OPCML: variants seen among roughly 807,000 people sequenced by gnomAD.
OPCML encodes the protein opioid binding protein/cell adhesion molecule like, also known as opioid-binding protein/cell adhesion molecule.
A neutral mutation model predicts 37.8 loss-of-function variants in OPCML; 13 were observed. The ratio of observed to expected loss-of-function variants is 0.34; its 90% CI spans 0.22 to 0.55. The LOEUF is 0.55. OPCML is among the 20% of genes least tolerant of loss of function. OPCML has a pLI of 0.91. For missense variants in OPCML, 341 were observed against 435.6 expected (o/e 0.78, Z 1.93); for synonymous variants, 176 against 168.8 (o/e 1.04, Z -0.33).
intron 2 of OPCML, among the ~76,000 whole-genome samples, chr11:132,838,745 T>C (rs971057887): frequency 1.3e-5 from 2 of 152,076 alleles, no homozygotes; most frequent in Non-Finnish European, 2.9e-5. Flanking sequence ...CCACAGAAGT[T>C]TGCAAAGTAA....
intron 1 of OPCML, among the ~76,000 whole-genome samples, chr11:133,470,489 C>T (rs766938662): frequency 1.5e-4 from 23 of 152,276 alleles, no homozygotes; most frequent in Non-Finnish European, 1.6e-4. Context: ...CACAGCTGGT[C>T]CCAGACAATC....
chr11:133,122,239 C>A (rs1021962045), intron 1 of OPCML, among the ~76,000 whole-genome samples: 3 of 152,140 alleles, frequency 2.0e-5, no homozygotes, highest in Non-Finnish European at 4.4e-5. Flanking sequence ...GCTTGGGATT[C>A]TTGAATTCTA....
At chr11:132,712,811 G>T (rs1944321497) in intron 2 of OPCML, among the ~76,000 whole-genome samples, 2 of 152,326 alleles carry the variant, frequency 1.3e-5, no homozygotes, top group Admixed American at 6.5e-5. Context: ...GGTCAGGGAA[G>T]GAGAGGGGAA....
At chr11:132,794,692 C>A (rs1456087936) in intron 2 of OPCML, among the ~76,000 whole-genome samples, 1 of 152,144 alleles carries the variant, frequency 6.6e-6, no homozygotes, top group Non-Finnish European at 1.5e-5. Flanking sequence ...CCACCTCCTA[C>A]ACATGAATAT....
intron 3 of OPCML, among the ~76,000 whole-genome samples, chr11:132,529,523 T>C (rs2096318096): frequency 6.6e-6 from 1 of 152,140 alleles, no homozygotes; most frequent in Admixed American, 6.5e-5. Context: ...TCCCCATGTC[T>C]ACTGTTTTTA....
rs568496077 is a variant in OPCML, at chr11:133,271,085, G to A, written c.61+261179C>T. Reference sequence around the variant, plus strand: ...GTAAGACATCAGACTTTGTGGCCAGGAATGCCTGGATTCATCATTTACTTG... The same window carrying A: ...GTAAGACATCAGACTTTGTGGCCAGAAATGCCTGGATTCATCATTTACTTG... On this transcript the variant is annotated intron_variant, in intron 1 of 7. Transcript: ENST00000524381. Among the ~76,000 whole-genome samples the A allele has an allele frequency of 1.9e-4, 29 of 152,262 alleles. No homozygotes were observed. In the South Asian group the frequency reaches 6.0e-3, roughly 32 times the overall value.
At position 132,611,671 on chromosome 11, in the gene OPCML, A is replaced by T. The variant is rs192143411; in HGVS notation, c.379+45416T>A. On this transcript the variant is annotated intron_variant, in intron 3 of 7. Coordinates refer to ENST00000524381, the MANE Select transcript of OPCML (RefSeq NM_001012393.5). ...CCTCAAATTATTTATATTATAGTGGATGTGTGTGGGGAGAAAGGGGGAGGA... is the reference window on the plus strand; with the variant it reads ...CCTCAAATTATTTATATTATAGTGGTTGTGTGTGGGGAGAAAGGGGGAGGA... Among the ~76,000 whole-genome samples, 391 of 152,238 alleles carry T rather than the reference A, an allele frequency of 2.6e-3. 1 individual carries two copies. Among genetic ancestry groups the T allele is most frequent in the African/African-American group, 8.9e-3 (369 of 41,544 alleles).
At chr11:132,944,433 G>A (rs904721720) in intron 1 of OPCML, among the ~76,000 whole-genome samples, 1 of 152,146 alleles carries the variant, frequency 6.6e-6, no homozygotes, top group African/African-American at 2.4e-5. Flanking sequence ...TCCTGGGCCC[G>A]CGCAGAGGTG....
At chr11:132,922,069 G>C (rs935194046) in intron 2 of OPCML, among the ~76,000 whole-genome samples, 3 of 151,868 alleles carry the variant, frequency 2.0e-5, no homozygotes, top group Non-Finnish European at 4.4e-5. Flanking sequence ...TAGTAGAGAC[G>C]GGGTTTCACC....
At chr11:133,434,838 ATATT>A (rs1946201431) in intron 1 of OPCML, among the ~76,000 whole-genome samples, 1 of 147,372 alleles carries the variant, frequency 6.8e-6, no homozygotes, top group African/African-American at 2.5e-5. Context: ...ACACATATAT[ATATT>A]TAATATATAT....
chr11:132,700,867 G>A (rs537825326), intron 2 of OPCML, among the ~76,000 whole-genome samples: 9 of 152,150 alleles, frequency 5.9e-5, no homozygotes, highest in East Asian at 5.8e-4. Context: ...TCTATCTATC[G>A]TTGAAAATAA....
At chr11:133,381,297 A>G (rs1355708088) in intron 1 of OPCML, among the ~76,000 whole-genome samples, 2 of 152,234 alleles carry the variant, frequency 1.3e-5, no homozygotes. Context: ...AGCAGGGAAA[A>G]ATGCCCTCAG....
chr11:132,688,171 T>G (rs997215090), intron 2 of OPCML, among the ~76,000 whole-genome samples: 10 of 151,240 alleles, frequency 6.6e-5, no homozygotes, highest in African/African-American at 2.4e-4. Context: ...AATCATGGTT[T>G]TTTTTTTTTA....
intron 3 of OPCML, among the ~76,000 whole-genome samples, chr11:132,538,786 C>T (rs957039021): frequency 1.3e-5 from 2 of 152,194 alleles, no homozygotes; most frequent in African/African-American, 2.4e-5. Context: ...AGACAACTCG[C>T]ATTGCCCTAG....
chr11:133,378,966 A>G (rs908749042), intron 1 of OPCML, among the ~76,000 whole-genome samples: 4 of 152,068 alleles, frequency 2.6e-5, no homozygotes, highest in Admixed American at 1.3e-4. Context: ...TATGTTGCCC[A>G]GGCTGGTCCC....
chr11:132,966,764 A>G (rs1267556876), intron 1 of OPCML, among the ~76,000 whole-genome samples: 1 of 152,040 alleles, frequency 6.6e-6, no homozygotes, highest in Non-Finnish European at 1.5e-5. Flanking sequence ...TAATTTTTGT[A>G]TATTCCTGAT....
At chr11:133,460,103 A>G (rs1189388722) in intron 1 of OPCML, among the ~76,000 whole-genome samples, 1 of 152,014 alleles carries the variant, frequency 6.6e-6, no homozygotes, top group Non-Finnish European at 1.5e-5. Context: ...AAGTTCATCA[A>G]CATACCTTTA....
chr11:133,467,789 C>A (rs1175954588), intron 1 of OPCML, among the ~76,000 whole-genome samples: 1 of 152,114 alleles, frequency 6.6e-6, no homozygotes, highest in East Asian at 1.9e-4. Context: ...ACTTCTTTGG[C>A]CAATTGCTCA....
At chr11:133,024,848 GC>G in intron 1 of OPCML, 2 of 985,432 alleles carry the variant, frequency 2.0e-6, no homozygotes, top group Non-Finnish European at 2.4e-6. Context: ...GAAAGGACCT[GC>G]TTTCATGTCC....
Sources: allele counts gnomAD v4.1 joint callset (sites outside exome capture counted in the v4.1 genomes callset), GRCh38; gene constraint gnomAD v4.1.1; transcripts MANE v1.5; gene names NCBI Gene and HGNC (gene_info 2026-07-23, HGNC 2026-07-21).